HDAC9: variants seen among roughly 807,000 people sequenced by gnomAD.
The protein encoded by HDAC9 is MEF-2 interacting transcription repressor (MITR) protein.
In HDAC9, 41 loss-of-function variants were observed where a neutral mutation model predicts 139.4. The ratio of observed to expected loss-of-function variants is 0.29; its 90% CI spans 0.23 to 0.38. The LOEUF (loss-of-function observed/expected upper bound fraction) is 0.38. Among genes scored for constraint, HDAC9 ranks in the 10% least tolerant of loss-of-function variants. HDAC9 has a pLI of 1.00. For missense variants in HDAC9, 1,147 were observed against 1,297.0 expected (o/e 0.88, Z 1.78); for synonymous variants, 517 against 476.2 (o/e 1.09, Z -1.12).
intron 2 of HDAC9, among the ~76,000 whole-genome samples, chr7:18,503,449 A>T (rs1433698296): frequency 6.6e-6 from 1 of 152,236 alleles, no homozygotes; most frequent in African/African-American, 2.4e-5. Context: ...TTATCAGAGA[A>T]CGTTATGTTT....
chr7:18,113,807 T>A (rs889534306), intron 1 of HDAC9, among the ~76,000 whole-genome samples: 15 of 152,244 alleles, frequency 9.9e-5, no homozygotes, highest in African/African-American at 1.9e-4. Flanking sequence ...AGCTTTTTTT[T>A]ATATTTGCAT....
intron 17 of HDAC9, among the ~76,000 whole-genome samples, chr7:18,801,218 A>G (rs1793257747): frequency 6.6e-6 from 1 of 152,040 alleles, no homozygotes; most frequent in Non-Finnish European, 1.5e-5. Flanking sequence ...ATTAAATATT[A>G]TGTTTACTAC....
chr7:18,140,378 G>A (rs73062420), intron 1 of HDAC9, among the ~76,000 whole-genome samples: 1 of 152,024 alleles, frequency 6.6e-6, no homozygotes, highest in African/African-American at 2.4e-5. Context: ...AAAAGTTATT[G>A]TACAGGGTTT....
intron 22 of HDAC9, among the ~76,000 whole-genome samples, chr7:18,916,385 G>A (rs189635243): frequency 1.2e-4 from 18 of 152,068 alleles, no homozygotes; most frequent in African/African-American, 4.1e-4. Flanking sequence ...AGAAAGTGAG[G>A]ACACTGTGTC....
At chr7:18,832,748 T>C (rs1379258001) in intron 19 of HDAC9, among the ~76,000 whole-genome samples, 1 of 152,160 alleles carries the variant, frequency 6.6e-6, no homozygotes, top group Non-Finnish European at 1.5e-5. Flanking sequence ...TATTTTTTTT[T>C]TCTTGAGACG....
At chr7:18,755,042 A>C (rs1788760126) in intron 14 of HDAC9, among the ~76,000 whole-genome samples, 1 of 152,108 alleles carries the variant, frequency 6.6e-6, no homozygotes, top group Non-Finnish European at 1.5e-5. Context: ...TTTGCAAAAA[A>C]AAATTTTATG....
chr7:18,394,670 A>G (rs1786856736), intron 1 of HDAC9, among the ~76,000 whole-genome samples: 1 of 152,080 alleles, frequency 6.6e-6, no homozygotes, highest in South Asian at 2.1e-4. Context: ...TTGAGGATCA[A>G]GGGCTAGTAC....
At chr7:18,464,972 T>A (rs777591384) in intron 1 of HDAC9, among the ~76,000 whole-genome samples, 4 of 152,086 alleles carry the variant, frequency 2.6e-5, no homozygotes, top group Non-Finnish European at 5.9e-5. Context: ...TCTTATCCTG[T>A]ATCTTATCCC....
At chr7:18,501,469 T>G (rs1228125016) in intron 2 of HDAC9, among the ~76,000 whole-genome samples, 1 of 152,190 alleles carries the variant, frequency 6.6e-6, no homozygotes, top group Non-Finnish European at 1.5e-5. Flanking sequence ...GGAAATAGTA[T>G]CTCTTACGTT....
At chr7:18,286,870 C>G (rs1245017946), upstream of HDAC9, among the ~76,000 whole-genome samples, 28 of 152,104 alleles carry the variant, frequency 1.8e-4, 1 homozygote, top group Admixed American at 1.8e-3. Context: ...AATTGATGCA[C>G]AATTCATTTG....
intron 1 of HDAC9, among the ~76,000 whole-genome samples, chr7:18,103,038 A>G (rs1410456731): frequency 1.3e-5 from 2 of 152,212 alleles, no homozygotes; most frequent in African/African-American, 4.8e-5. Context: ...AGGGACTCAC[A>G]GTTCCACATT....
intron 6 of HDAC9, among the ~76,000 whole-genome samples, chr7:18,625,134 G>A (rs762179291): frequency 5.9e-5 from 9 of 151,988 alleles, no homozygotes; most frequent in Non-Finnish European, 1.0e-4. Flanking sequence ...GATAAAAGTT[G>A]CCTAGTGTTA....
chr7:18,720,621 C>A (rs1219540770), intron 12 of HDAC9, among the ~76,000 whole-genome samples: 2 of 148,274 alleles, frequency 1.3e-5, no homozygotes, highest in Non-Finnish European at 1.5e-5. Context: ...ACATACTTTA[C>A]CTTAGTAAAA....
intron 22 of HDAC9, among the ~76,000 whole-genome samples, chr7:18,932,687 A>G (rs1278906724): frequency 2.0e-5 from 3 of 152,068 alleles, no homozygotes; most frequent in Non-Finnish European, 2.9e-5. Flanking sequence ...AGAAAAGAAA[A>G]TACTCCTAAA....
chr7:18,591,693 C>T, intron 5 of HDAC9, 51 bp downstream of exon 5: 2 of 1,595,336 alleles, frequency 1.3e-6, no homozygotes, highest in Non-Finnish European at 1.7e-6. Context: ...AACACAGGTT[C>T]TGTATTTAGC....
At chr7:18,205,252 A>AT (rs1210131860) in intron 2 of HDAC9, among the ~76,000 whole-genome samples, 1 of 151,746 alleles carries the variant, frequency 6.6e-6, no homozygotes, top group Non-Finnish European at 1.5e-5. Context: ...ACTGGGCTTT[A>AT]TTTTTTTATT....
intron 1 of HDAC9, among the ~76,000 whole-genome samples, chr7:18,122,886 T>G (rs1784441736): frequency 6.6e-6 from 1 of 152,226 alleles, no homozygotes; most frequent in Middle Eastern, 3.2e-3. Flanking sequence ...CCCAAAGTGC[T>G]CAGGCATGAG....
intron 1 of HDAC9, among the ~76,000 whole-genome samples, chr7:18,465,020 C>T (rs1369726272): frequency 6.6e-6 from 1 of 151,928 alleles, no homozygotes; most frequent in Non-Finnish European, 1.5e-5. Flanking sequence ...ATTTTGGGCA[C>T]TTAGGATCTT....
Position 18,589,771 on chromosome 7 carries a change from C to G in HDAC9, c.265-565C>G, listed in dbSNP as rs186450039. On this transcript the variant is annotated intron_variant, in intron 3 of 25. Coordinates refer to ENST00000686413, the MANE Select transcript of HDAC9 (RefSeq NM_178425.4). ...AGAGACTATATGTATATAATATATT[C>G]TACATATTATGAATATATACATTGC... 3.5e-3 allele frequency among the ~76,000 whole-genome samples: 536 copies of G among 152,202 alleles called. 1 individual carries two copies. The highest frequency in any genetic ancestry group is 6.0e-3 in the Non-Finnish European group (408 of 68,018).
Sources: gnomAD v4.1 joint callset for allele counts (sites outside exome capture counted in the v4.1 genomes callset) on GRCh38, gnomAD v4.1.1 for gene constraint, MANE v1.5 for transcripts, NCBI Gene and HGNC (gene_info 2026-07-23, HGNC 2026-07-21) for gene names.